The following CHSY3 variants were observed in gnomAD, a reference collection of about 807,000 sequenced individuals.
The protein encoded by CHSY3 is N-acetylgalactosaminyl-proteoglycan 3-beta-glucuronosyltransferase 3.
CHSY3 carries 35 observed loss-of-function variants against 67.2 expected under a neutral mutation model. The ratio of observed to expected loss-of-function variants is 0.52; its 90% CI spans 0.40 to 0.69. The LOEUF is 0.69. CHSY3 is among the 30% of genes least tolerant of loss of function. The pLI is 0.00. For synonymous variants in CHSY3, 474 were observed against 434.7 expected, an observed-to-expected ratio of 1.09 and a Z score of -1.12; for missense variants, 1,069 against 1,138.5, an observed-to-expected ratio of 0.94 and a Z score of 0.88.
At position 130,079,311 on chromosome 5, in the gene CHSY3, T is replaced by C. The variant is rs185588446; in HGVS notation, c.1087-104918T>C. Among the ~76,000 whole-genome samples, 456 of 152,258 alleles carry C rather than the reference T, an allele frequency of 3.0e-3. 3 individuals carry two copies. Among genetic ancestry groups the C allele is most frequent in the African/African-American group, 0.011 (441 of 41,576 alleles). The stretch of plus-strand genomic sequence containing the variant: ...TACGTAGAACATTTCCTTTCAAATA[T>C]ATTTTATACACTTACAGATGTATTT... On this transcript the variant is annotated intron_variant, in intron 2 of 2. Transcript: ENST00000305031.
At chr5:129,916,785 G>A (rs1424517229) in intron 2 of CHSY3, among the ~76,000 whole-genome samples, 1 of 152,126 alleles carries the variant, frequency 6.6e-6, no homozygotes, top group Non-Finnish European at 1.5e-5. Context: ...TGTCTTCATG[G>A]AGTGCATAAG....
At chr5:130,135,918 A>C (rs990669496) in intron 2 of CHSY3, among the ~76,000 whole-genome samples, 6 of 152,218 alleles carry the variant, frequency 3.9e-5, no homozygotes, top group Admixed American at 3.9e-4. Context: ...CAAAATTAAG[A>C]ATGTTAATTT....
intron 2 of CHSY3, among the ~76,000 whole-genome samples, chr5:130,180,595 T>C (rs1770216040): frequency 6.6e-6 from 1 of 152,176 alleles, no homozygotes; most frequent in Non-Finnish European, 1.5e-5. Flanking sequence ...GCCTTATGCC[T>C]GTAATCCCAG....
chr5:130,184,557 A>G lies in CHSY3; in HGVS notation c.1415A>G (p.Lys472Arg). 6.2e-7 allele frequency: 1 copy of G among 1,612,044 alleles called. No homozygotes were observed. Among genetic ancestry groups the G allele is most frequent in the Non-Finnish European group, 8.5e-7 (1 of 1,178,112 alleles). The change falls in exon 3 of 3, where the codon AAG becomes AGG. Residue 472 changes from lysine (K) to arginine (R), a missense_variant. Transcript: ENST00000305031. ...EVIEWEFLTG[K>R]LLYSAAENQP... The stretch of plus-strand genomic sequence containing the variant: ...ATAGAATGGGAGTTCCTGACAGGGA[A>G]GCTTCTATACTCAGCAGCTGAGAAC...
At chr5:130,105,190 C>T (rs181490409) in intron 2 of CHSY3, among the ~76,000 whole-genome samples, 1 of 151,638 alleles carries the variant, frequency 6.6e-6, no homozygotes, top group East Asian at 1.9e-4. Flanking sequence ...ATCCTTTCTC[C>T]CTTTCTTTTT....
intron 1 of CHSY3, 141 bp from the exon 2 acceptor site, chr5:129,907,936 T>C (rs946916870): frequency 2.8e-6 from 4 of 1,410,468 alleles, no homozygotes; most frequent in South Asian, 1.7e-5. Context: ...TAATAGAGTA[T>C]TGGAAGAGGC....
chr5:130,141,277 C>T (rs769373888), intron 2 of CHSY3: 20 of 440,114 alleles, frequency 4.5e-5, no homozygotes, highest in Non-Finnish European at 7.5e-5. Flanking sequence ...CATAATCCCA[C>T]CATTCCTATC....
chr5:129,909,203 A>G (rs1760442104), intron 2 of CHSY3, among the ~76,000 whole-genome samples: 1 of 152,124 alleles, frequency 6.6e-6, no homozygotes. Flanking sequence ...AATTTTAGTA[A>G]AAATTTATTT....
intron 2 of CHSY3, among the ~76,000 whole-genome samples, chr5:130,030,584 A>C (rs1764677531): frequency 6.6e-6 from 1 of 152,184 alleles, no homozygotes; most frequent in African/African-American, 2.4e-5. Flanking sequence ...TTCTGAAAAT[A>C]ACTTGTTAAT....
intron 2 of CHSY3, among the ~76,000 whole-genome samples, chr5:129,917,947 C>T (rs1008759285): frequency 6.6e-6 from 1 of 152,184 alleles, no homozygotes; most frequent in Non-Finnish European, 1.5e-5. Context: ...TTGTTTTTAT[C>T]AATTTTCCAT....
At chr5:129,964,041 A>C (rs1175544508) in intron 2 of CHSY3, among the ~76,000 whole-genome samples, 1 of 151,902 alleles carries the variant, frequency 6.6e-6, no homozygotes, top group Admixed American at 6.6e-5. Context: ...AGTCAGAAAC[A>C]GATACAGTGG....
chr5:129,915,406 T>G (rs926507515), intron 2 of CHSY3, among the ~76,000 whole-genome samples: 2 of 152,226 alleles, frequency 1.3e-5, no homozygotes, highest in South Asian at 4.1e-4. Flanking sequence ...TCGTGATCTG[T>G]GTTTAAAGAT....
chr5:130,164,030 A>AGTC (rs1769647860), intron 2 of CHSY3, among the ~76,000 whole-genome samples: 1 of 152,198 alleles, frequency 6.6e-6, no homozygotes, highest in Non-Finnish European at 1.5e-5. Flanking sequence ...CAAGTGAACG[A>AGTC]CTACTTGGAA....
At chr5:130,051,950 A>AG (rs1765372208) in intron 2 of CHSY3, 1 of 151,796 alleles carries the variant, frequency 6.6e-6, no homozygotes, top group Non-Finnish European at 1.5e-5. Flanking sequence ...TTAAAAAAAA[A>AG]AAAAAGAAAC....
intron 2 of CHSY3, among the ~76,000 whole-genome samples, chr5:129,981,147 G>T (rs896750116): frequency 1.3e-5 from 2 of 151,934 alleles, no homozygotes; most frequent in Admixed American, 1.3e-4. Context: ...CGTGAACCCG[G>T]GGGGCGGAGC....
chr5:129,971,459 G>C (rs1762638527), intron 2 of CHSY3, among the ~76,000 whole-genome samples: 1 of 151,808 alleles, frequency 6.6e-6, no homozygotes, highest in Non-Finnish European at 1.5e-5. Flanking sequence ...ACTTACATCA[G>C]AATGCTATGT....
chr5:129,966,553 A>G (rs1413961748), intron 2 of CHSY3, among the ~76,000 whole-genome samples: 1 of 151,820 alleles, frequency 6.6e-6, no homozygotes, highest in Non-Finnish European at 1.5e-5. Context: ...TAAGTAAATA[A>G]CAAATACCTT....
At chr5:130,182,724 C>T (rs770663616) in intron 2 of CHSY3, among the ~76,000 whole-genome samples, 8 of 151,902 alleles carry the variant, frequency 5.3e-5, no homozygotes, top group Non-Finnish European at 1.0e-4. Context: ...ACTGATCTGG[C>T]ACTAATTACT....
At chr5:130,041,926 T>A (rs1765016069) in intron 2 of CHSY3, among the ~76,000 whole-genome samples, 1 of 152,090 alleles carries the variant, frequency 6.6e-6, no homozygotes, top group Non-Finnish European at 1.5e-5. Context: ...GCTTTCTACA[T>A]AATTTTAAGG....
Sources: gnomAD v4.1 joint callset for allele counts (sites outside exome capture counted in the v4.1 genomes callset) on GRCh38, gnomAD v4.1.1 for gene constraint, MANE v1.5 for transcripts, NCBI Gene and HGNC (gene_info 2026-07-23, HGNC 2026-07-21) for gene names.